SLC41A2: variants seen among roughly 807,000 people sequenced by gnomAD.
SLC41A2 encodes SLC41A1-like 1.
SLC41A2 carries 32 observed loss-of-function variants against 58.3 expected under a neutral mutation model. The observed-to-expected ratio is 0.55, with a 90% CI of 0.41 to 0.74. SLC41A2 has a LOEUF of 0.74. Ranked by LOEUF, SLC41A2 falls within the 30% of genes least tolerant of loss-of-function variation. The pLI is 0.00. For synonymous variants in SLC41A2, 190 were observed against 235.0 expected (o/e 0.81, Z 1.75); for missense variants, 514 against 680.6 (o/e 0.76, Z 2.72).
intron 10 of SLC41A2, among the ~76,000 whole-genome samples, chr12:104,831,455 T>C (rs2042033458): frequency 1.3e-5 from 2 of 152,174 alleles, no homozygotes; most frequent in Admixed American, 6.5e-5. Context: ...ACATTTCTGT[T>C]AACAATGGAC....
rs938724767 is a variant in SLC41A2, at chr12:104,954,975, G to A, written c.-168+3113C>T. On this transcript the variant is annotated intron_variant, in intron 1 of 10. Coordinates refer to ENST00000258538, the MANE Select transcript of SLC41A2 (RefSeq NM_001352171.3). ...AAATGCAGTTTTATCAAAGAACCTC[G>A]TCAAGTGAGTTTAGCAACAGCCCCT... Among the ~76,000 whole-genome samples the A allele has an allele frequency of 4.8e-5, 7 of 145,848 alleles. No individual in the cohort carries two copies. The South Asian group carries it at 6.5e-4, about 13-fold the overall frequency.
intron 10 of SLC41A2, among the ~76,000 whole-genome samples, chr12:104,837,026 T>C (rs2042235184): frequency 6.6e-6 from 1 of 152,232 alleles, no homozygotes; most frequent in Non-Finnish European, 1.5e-5. Context: ...AGGGTCACTA[T>C]ACTTCCTAGT....
At chr12:104,814,673 C>CTGAT (rs757516252) in intron 10 of SLC41A2, among the ~76,000 whole-genome samples, 1 of 152,022 alleles carries the variant, frequency 6.6e-6, no homozygotes, top group Admixed American at 6.6e-5. Context: ...ACCTGATGGA[C>CTGAT]TGATTGCCAA....
chr12:104,906,593 C>T (rs2045862969), intron 3 of SLC41A2, among the ~76,000 whole-genome samples: 2 of 152,024 alleles, frequency 1.3e-5, no homozygotes, highest in South Asian at 4.2e-4. Context: ...ATATATTTGT[C>T]AAGGTACACA....
chr12:104,871,599 C>A (rs889371660), intron 6 of SLC41A2, among the ~76,000 whole-genome samples: 5 of 152,160 alleles, frequency 3.3e-5, no homozygotes, highest in Admixed American at 3.3e-4. Context: ...CAGATACTTT[C>A]TGCTAAGATA....
At chr12:104,957,916 C>T (rs1252076328) in intron 1 of SLC41A2, among the ~76,000 whole-genome samples, 172 bp downstream of exon 1, 1 of 151,610 alleles carries the variant, frequency 6.6e-6, no homozygotes, top group Non-Finnish European at 1.5e-5. Context: ...CCCGGCGGCC[C>T]GGAGAGGCGT....
At chr12:104,830,075 C>T (rs2041988510) in intron 10 of SLC41A2, among the ~76,000 whole-genome samples, 1 of 152,198 alleles carries the variant, frequency 6.6e-6, no homozygotes, top group South Asian at 2.1e-4. Context: ...CTGTCACTTC[C>T]CATTACCAAA....
At chr12:104,925,851 G>GA (rs969524374) in intron 2 of SLC41A2, among the ~76,000 whole-genome samples, 1 of 152,096 alleles carries the variant, frequency 6.6e-6, no homozygotes, top group East Asian at 1.9e-4. Flanking sequence ...GGTATCTCAA[G>GA]AAAAAATCCA....
intron 3 of SLC41A2, among the ~76,000 whole-genome samples, chr12:104,906,634 G>A (rs990569683): frequency 1.5e-4 from 23 of 152,104 alleles, no homozygotes; most frequent in African/African-American, 5.6e-4. Context: ...GTGTAAGTTT[G>A]TTGTATAATT....
chr12:104,928,469 C>A lies in SLC41A2; in HGVS notation c.59G>T (p.Gly20Val), dbSNP rs768677057. ...TDKTSGGPSSGGGFVDWTLRL... is the reference protein window; with the variant it reads ...TDKTSGGPSSVGGFVDWTLRL... ...TAAAGTCCAATCTACAAAACCTCCT[C>A]CACTACTTGGACCACCACTTGTTTT... The change falls in exon 2 of 11, where the codon GGA (glycine) becomes GTA (valine). Residue 20 changes from glycine (G) to valine (V), a missense_variant. Around this residue, in one of 3 missense-constraint regions of SLC41A2, gnomAD observed 336 missense variants for 430.0 expected, o/e 0.78. Transcript: ENST00000258538. 6.5e-7 allele frequency: 1 copy of A among 1,545,760 alleles called. No homozygotes were observed. The highest frequency in any genetic ancestry group is 8.7e-7 in the Non-Finnish European group (1 of 1,144,718).
chr12:104,950,019 G>A (rs1010404135), intron 1 of SLC41A2, among the ~76,000 whole-genome samples: 3 of 152,214 alleles, frequency 2.0e-5, no homozygotes, highest in African/African-American at 7.2e-5. Flanking sequence ...GAAGGTATGA[G>A]TAGACTATTC....
chr12:104,803,574 AAGTTAATGTGC>A lies in SLC41A2; in HGVS notation c.*1567_*1577del, dbSNP rs1336161400. 1.3e-5 allele frequency: 2 copies of A among 152,196 alleles called. No homozygotes were observed. The highest frequency in any genetic ancestry group is 6.5e-5 in the Admixed American group (1 of 15,274). The allele number at this position is 152,196 out of a possible 1,614,324, so 9.4% of individuals were successfully genotyped here. Reference sequence around the variant, plus strand: ...GTTACAACTTAAATCATGATGATCAAAGTTAATGTGCATTTTGATACCCTTATCAGCTTAAA... The same window carrying A: ...GTTACAACTTAAATCATGATGATCAAATTTTGATACCCTTATCAGCTTAAA... On this transcript the variant is annotated 3_prime_UTR_variant, in exon 11 of 11. Coordinates refer to ENST00000258538, the MANE Select transcript of SLC41A2 (RefSeq NM_001352171.3).
At chr12:104,810,193 T>TA (rs562527024) in intron 10 of SLC41A2, among the ~76,000 whole-genome samples, 4 of 152,004 alleles carry the variant, frequency 2.6e-5, no homozygotes, top group East Asian at 1.9e-4. Flanking sequence ...AAGCAGAACT[T>TA]AAAAAAAATT....
Position 104,898,509 on chromosome 12 carries a change from GCATT to G in SLC41A2, c.664-3168_664-3165del, listed in dbSNP as rs144770189. ...AAAGGTACTGAAAGTCTCCATTCAT[GCATT>G]ATTTTAAAAAACATGTATTAACTAT... On this transcript the variant is annotated intron_variant, in intron 3 of 10. Coordinates refer to ENST00000258538, the MANE Select transcript of SLC41A2 (RefSeq NM_001352171.3). Among the ~76,000 whole-genome samples, 1,127 of 149,868 alleles carry G rather than the reference GCATT, an allele frequency of 7.5e-3. 9 individuals are homozygous for G. The highest frequency in any genetic ancestry group is 0.013 in the Non-Finnish European group (870 of 67,690).
chr12:104,829,741 T>C (rs1356697341), intron 10 of SLC41A2, among the ~76,000 whole-genome samples: 1 of 152,124 alleles, frequency 6.6e-6, no homozygotes, highest in African/African-American at 2.4e-5. Flanking sequence ...CACCTAATGA[T>C]AGCCTGCAGG....
intron 6 of SLC41A2, among the ~76,000 whole-genome samples, chr12:104,878,087 T>A (rs1015404197): frequency 6.6e-6 from 1 of 151,886 alleles, no homozygotes; most frequent in Non-Finnish European, 1.5e-5. Flanking sequence ...TAGTTGTTTA[T>A]CTTCTGGAAT....
intron 10 of SLC41A2, among the ~76,000 whole-genome samples, chr12:104,819,507 A>G (rs555312254): frequency 1.3e-5 from 2 of 152,386 alleles, no homozygotes; most frequent in African/African-American, 4.8e-5. Flanking sequence ...ATTAATAGAA[A>G]ACAAACATGA....
chr12:104,802,287 T>C lies in SLC41A2; in HGVS notation c.*2865A>G, dbSNP rs1425287857. 2.0e-5 allele frequency among the ~76,000 whole-genome samples: 3 copies of C among 152,192 alleles called. No individual in the cohort carries two copies. The highest frequency in any genetic ancestry group is 6.6e-5 in the Admixed American group (1 of 15,262). ...GGAAGAAGTTTGGAAAGCAGAAGTT[T>C]TTATGTTGTATAAAAAGAAATACAG... On this transcript the variant is annotated 3_prime_UTR_variant, in exon 11 of 11. Transcript: ENST00000258538.
chr12:104,957,696 G>A (rs2048219127), intron 1 of SLC41A2, among the ~76,000 whole-genome samples: 1 of 152,220 alleles, frequency 6.6e-6, no homozygotes, highest in South Asian at 2.1e-4. Context: ...AAGGGTGACG[G>A]GGCACTCGCG....
Sources: gnomAD v4.1 joint callset for allele counts (sites outside exome capture counted in the v4.1 genomes callset) on GRCh38, gnomAD v4.1.1 for gene constraint, gnomAD v4.1.1 regional missense constraint, MANE v1.5 for transcripts, NCBI Gene and HGNC (gene_info 2026-07-23, HGNC 2026-07-21) for gene names.